Variants in KDM4C observed in about 807,000 individuals in gnomAD.
The protein encoded by KDM4C is lysine-specific demethylase 4C.
Under a neutral mutation model 129.3 loss-of-function variants are expected in KDM4C, and 81 were observed. The observed-to-expected ratio is 0.63, with a 90% CI of 0.52 to 0.75. The LOEUF is 0.75. Ranked by LOEUF, KDM4C falls within the 30% of genes least tolerant of loss-of-function variation. The pLI is 0.00. For missense variants in KDM4C, 1,457 were observed against 1,304.0 expected (o/e 1.12, Z -1.81); for synonymous variants, 573 against 456.1 (o/e 1.26, Z -3.26).
chr9:7,028,983 G>T (rs1483043557), intron 15 of KDM4C, among the ~76,000 whole-genome samples: 1 of 152,154 alleles, frequency 6.6e-6, no homozygotes, highest in Non-Finnish European at 1.5e-5. Flanking sequence ...TCAGTGATAG[G>T]AAGTTAAAAA....
intron 1 of KDM4C, among the ~76,000 whole-genome samples, chr9:6,774,005 A>G (rs1430599964): frequency 6.6e-6 from 1 of 152,028 alleles, no homozygotes; most frequent in Non-Finnish European, 1.5e-5. Context: ...CTCCTTTCTC[A>G]GCCTCTTGAG....
intron 1 of KDM4C, among the ~76,000 whole-genome samples, chr9:6,738,135 A>AAAACTAAGCT (rs1398432268): frequency 7.0e-6 from 1 of 142,180 alleles, no homozygotes; most frequent in Non-Finnish European, 1.5e-5. Flanking sequence ...CTCCCTCTCA[A>AAAACTAAGCT]AAACTAAACT....
At chr9:6,957,693 G>C (rs1478558765) in intron 8 of KDM4C, among the ~76,000 whole-genome samples, 1 of 152,092 alleles carries the variant, frequency 6.6e-6, no homozygotes, top group Non-Finnish European at 1.5e-5. Flanking sequence ...GAGTGGGTCT[G>C]GGTGTTCATG....
chr9:6,958,702 T>TTTTTTTTTTTG (rs879880793), intron 8 of KDM4C, among the ~76,000 whole-genome samples: 1 of 150,808 alleles, frequency 6.6e-6, no homozygotes, highest in African/African-American at 2.5e-5. Context: ...TTTTTTTTTT[T>TTTTTTTTTTTG]GGGACAGGGT....
intron 8 of KDM4C, among the ~76,000 whole-genome samples, chr9:6,904,913 G>T (rs1421522612): frequency 6.6e-6 from 1 of 152,066 alleles, no homozygotes; most frequent in Non-Finnish European, 1.5e-5. Context: ...AACCTAGCTT[G>T]GTTTCTAAGT....
chr9:7,117,314 A>G (rs1035248288), intron 18 of KDM4C, among the ~76,000 whole-genome samples: 1 of 152,160 alleles, frequency 6.6e-6, no homozygotes, highest in Non-Finnish European at 1.5e-5. Context: ...ACCTTGTTCA[A>G]TAACAAAATA....
chr9:6,813,339 C>G (rs1483891900), intron 3 of KDM4C, among the ~76,000 whole-genome samples: 1 of 152,160 alleles, frequency 6.6e-6, no homozygotes, highest in African/African-American at 2.4e-5. Context: ...CATGCCCATC[C>G]TTTTTATTTT....
rs1166154872 is a variant in KDM4C, at chr9:6,793,142, C to T, written c.144+10C>T. On this transcript the variant is annotated intron_variant, in intron 2 of 21. Transcript: ENST00000381309. ...TGCGGGTCTTGCAAAGGTGATTATC[C>T]TTCGATGCTTTAAATGAAAAACAAT... 5 of 1,605,660 alleles carry T rather than the reference C, an allele frequency of 3.1e-6. No homozygotes were observed. In the African/African-American group the frequency reaches 4.0e-5, roughly 13 times the overall value.
At chr9:6,724,182 A>C (rs67185345) in intron 1 of KDM4C, among the ~76,000 whole-genome samples, 13,225 of 152,236 alleles carry the variant, frequency 0.087, 753 homozygotes, top group Non-Finnish European at 0.13. Flanking sequence ...AACAGTTCTA[A>C]TGAGCCTTTT....
intron 8 of KDM4C, among the ~76,000 whole-genome samples, chr9:6,906,266 T>C (rs1325892776): frequency 1.3e-5 from 2 of 152,220 alleles, no homozygotes; most frequent in African/African-American, 4.8e-5. Context: ...AGATTTGTTT[T>C]CTTAGAAGTA....
chr9:6,980,786 T>C (rs894678482), intron 8 of KDM4C, 139 bp from the exon 9 acceptor site: 6 of 667,698 alleles, frequency 9.0e-6, no homozygotes, highest in African/African-American at 1.8e-5. Context: ...TTATCACCCA[T>C]TGAATGTTTG....
At position 6,986,492 on chromosome 9, in the gene KDM4C, C is replaced by G. The variant is rs1363116231; in HGVS notation, c.1503C>G (p.Asp501Glu). 1 of 1,613,960 alleles carries G rather than the reference C, an allele frequency of 6.2e-7. No individual in the cohort carries two copies. The highest frequency in any genetic ancestry group is 8.5e-7 in the Non-Finnish European group (1 of 1,180,008). ...SSGYEKPEKSDPSELSWPKSP... is the reference protein window; with the variant it reads ...SSGYEKPEKSEPSELSWPKSP... ...GCTATGAGAAGCCCGAGAAATCAGA[C>G]CCATCCGAGCTTTCATGGCCAAAGT... Residue 501 changes from aspartate to glutamate, a missense_variant, in exon 11 of 22, where the codon GAC becomes GAG. Transcript: ENST00000381309.
intron 19 of KDM4C, among the ~76,000 whole-genome samples, chr9:7,128,783 T>C (rs1301495690): frequency 6.6e-6 from 1 of 151,934 alleles, no homozygotes; most frequent in East Asian, 1.9e-4. Context: ...TGTGTGTGTG[T>C]GCGTGCGCGT....
intron 8 of KDM4C, among the ~76,000 whole-genome samples, chr9:6,954,294 C>T (rs932684730): frequency 1.3e-5 from 2 of 152,268 alleles, no homozygotes; most frequent in African/African-American, 2.4e-5. Flanking sequence ...TACTCGGTCA[C>T]GTCAATGTCT....
At chr9:6,923,784 CT>C (rs917096618) in intron 8 of KDM4C, among the ~76,000 whole-genome samples, 1 of 152,188 alleles carries the variant, frequency 6.6e-6, no homozygotes, top group African/African-American at 2.4e-5. Context: ...GTTTCAAATG[CT>C]TCCTGTGTCA....
upstream of KDM4C, among the ~76,000 whole-genome samples, chr9:6,754,200 TGTTTTC>T (rs978544969): frequency 6.6e-6 from 1 of 151,506 alleles, no homozygotes; most frequent in African/African-American, 2.4e-5. Context: ...ATATTTGTTT[TGTTTTC>T]TTTTCTTTTT....
In KDM4C at chr9:7,005,415, A is replaced by G. The variant is rs964373242; in HGVS notation, c.1787-6283A>G. 5.4e-5 allele frequency among the ~76,000 whole-genome samples: 8 copies of G among 146,834 alleles called. 1 individual carries two copies. Among genetic ancestry groups the G allele is most frequent in the African/African-American group, 1.8e-4 (7 of 39,498 alleles). On this transcript the variant is annotated intron_variant, in intron 12 of 21. Coordinates refer to ENST00000381309, the MANE Select transcript of KDM4C (RefSeq NM_015061.6). The stretch of plus-strand genomic sequence containing the variant: ...AAGCCGTTGCACTCCAGCCTGGGCA[A>G]CAAAAGTGAAACTCTGTCTCAAAAA...
chr9:7,124,995 C>T (rs1384313414), intron 18 of KDM4C, among the ~76,000 whole-genome samples: 2 of 152,098 alleles, frequency 1.3e-5, no homozygotes, highest in African/African-American at 2.4e-5. Context: ...CTCCACCAGC[C>T]CCTTGTCTAT....
chr9:6,956,632 C>T (rs764369763), intron 8 of KDM4C, among the ~76,000 whole-genome samples: 2 of 152,142 alleles, frequency 1.3e-5, no homozygotes, highest in Non-Finnish European at 2.9e-5. Flanking sequence ...ACTACAATGG[C>T]TGACTTGAGT....
Sources: gnomAD v4.1 joint callset for allele counts (sites outside exome capture counted in the v4.1 genomes callset) on GRCh38, gnomAD v4.1.1 for gene constraint, MANE v1.5 for transcripts, NCBI Gene and HGNC (gene_info 2026-07-23, HGNC 2026-07-21) for gene names.